The following PLCG2 variants were observed in gnomAD, a reference collection of about 807,000 sequenced individuals.
The protein encoded by PLCG2 is phospholipase C gamma 2, also known as 1-phosphatidylinositol 4,5-bisphosphate phosphodiesterase gamma-2.
A neutral mutation model predicts 175.6 loss-of-function variants in PLCG2; 69 were observed. The ratio of observed to expected loss-of-function variants is 0.39; its 90% CI spans 0.32 to 0.48. The LOEUF (loss-of-function observed/expected upper bound fraction) is 0.48, where lower values mean the gene tolerates loss of function less well. PLCG2 is among the 20% of genes least tolerant of loss of function. The pLI is 0.91. For missense variants in PLCG2, 1,798 were observed against 1,650.9 expected, an observed-to-expected ratio of 1.09 and a Z score of -1.54; for synonymous variants, 827 against 624.0, an observed-to-expected ratio of 1.33 and a Z score of -4.85.
At chr16:81,918,837 T>C (rs1436490445) in intron 19 of PLCG2, among the ~76,000 whole-genome samples, 1 of 152,190 alleles carries the variant, frequency 6.6e-6, no homozygotes, top group South Asian at 2.1e-4. Flanking sequence ...AAGGAGGCTC[T>C]TCTGTTTTGG....
At chr16:81,910,401 G>A (rs1909567199) in intron 17 of PLCG2, 119 bp from the exon 18 acceptor site, 2 of 880,446 alleles carry the variant, frequency 2.3e-6, no homozygotes, top group East Asian at 2.6e-5. Flanking sequence ...TCCTGTGTCT[G>A]TTCTAGGAGC....
chr16:81,811,243 A>G (rs905651834), intron 2 of PLCG2, among the ~76,000 whole-genome samples: 1 of 152,180 alleles, frequency 6.6e-6, no homozygotes, highest in Non-Finnish European at 1.5e-5. Flanking sequence ...AAATGGGCAC[A>G]CCGGTGGTAC....
At chr16:81,809,357 C>T (rs1904298624) in intron 2 of PLCG2, among the ~76,000 whole-genome samples, 1 of 152,174 alleles carries the variant, frequency 6.6e-6, no homozygotes, top group South Asian at 2.1e-4. Context: ...CCAGCTCCCT[C>T]ACCCTCAGTC....
chr16:81,945,465 G>A (rs537366945), intron 30 of PLCG2, among the ~76,000 whole-genome samples: 2 of 152,250 alleles, frequency 1.3e-5, no homozygotes, highest in Non-Finnish European at 2.9e-5. Context: ...TTTTAGGACA[G>A]AGAGGAGGAT....
At chr16:81,913,032 C>G (rs1909698020) in intron 19 of PLCG2, among the ~76,000 whole-genome samples, 1 of 152,222 alleles carries the variant, frequency 6.6e-6, no homozygotes, top group African/African-American at 2.4e-5. Context: ...AAGTAACTTG[C>G]TGAAGCATGC....
chr16:81,836,220 G>C (rs1905508029), intron 2 of PLCG2, among the ~76,000 whole-genome samples: 1 of 152,154 alleles, frequency 6.6e-6, no homozygotes, highest in Non-Finnish European at 1.5e-5. Context: ...GCATTTCTCA[G>C]AGGGGGAAAC....
intron 2 of PLCG2, among the ~76,000 whole-genome samples, chr16:81,821,562 C>A (rs1189465033): frequency 6.6e-6 from 1 of 152,104 alleles, no homozygotes; most frequent in Non-Finnish European, 1.5e-5. Context: ...CTGGGGGCTC[C>A]TGGCTGCTCA....
At chr16:81,762,156 C>G (rs1164483641) in intron 2 of PLCG2, among the ~76,000 whole-genome samples, 3 of 152,022 alleles carry the variant, frequency 2.0e-5, no homozygotes, top group Admixed American at 2.0e-4. Flanking sequence ...ACTCTGTTTG[C>G]TTTGTCACAT....
chr16:81,935,992 G>T, intron 26 of PLCG2, 177 bp from the exon 27 acceptor site: 1 of 985,290 alleles, frequency 1.0e-6, no homozygotes, highest in Non-Finnish European at 1.2e-6. Flanking sequence ...GGAACCCCCA[G>T]AGGGCAAGAG....
chr16:81,805,296 G>C (rs1911945689), intron 2 of PLCG2, among the ~76,000 whole-genome samples: 1 of 151,982 alleles, frequency 6.6e-6, no homozygotes, highest in Non-Finnish European at 1.5e-5. Context: ...TCAGGAGATC[G>C]AGACCATCCT....
chr16:81,810,245 C>T (rs1005664698), intron 2 of PLCG2, among the ~76,000 whole-genome samples: 3 of 152,192 alleles, frequency 2.0e-5, no homozygotes, highest in South Asian at 2.1e-4. Flanking sequence ...CTCAGCCTTC[C>T]GAAGTGCTGG....
At chr16:81,829,553 C>G (rs140643132) in intron 2 of PLCG2, among the ~76,000 whole-genome samples, 1,876 of 152,322 alleles carry the variant, frequency 0.012, 57 homozygotes, top group African/African-American at 0.042. Flanking sequence ...ATACCTTTGC[C>G]AAAAGTGAGA....
chr16:81,756,720 TAAG>T (rs1909936764), intron 2 of PLCG2, among the ~76,000 whole-genome samples: 1 of 152,210 alleles, frequency 6.6e-6, no homozygotes, highest in Non-Finnish European at 1.5e-5. Flanking sequence ...GTTTTACAGA[TAAG>T]GAGCTGAGAG....
chr16:81,931,071 ATTT>A (rs925049696), intron 24 of PLCG2, among the ~76,000 whole-genome samples: 2 of 151,894 alleles, frequency 1.3e-5, no homozygotes. Flanking sequence ...ACAAGAGGGT[ATTT>A]TTTTCAGGTT....
In PLCG2 at chr16:81,950,731, TA is replaced by T. The variant is rs1911333524; in HGVS notation, c.3570+4470del. Among the ~76,000 whole-genome samples the T allele has an allele frequency of 3.3e-5, 5 of 152,302 alleles. No individual in the cohort carries two copies. The South Asian group carries it at 1.0e-3, about 32-fold the overall frequency. ...AAAATTGCTCACAATTTGAAGATAA[TA>T]ATTTTCTAAATATACTAAAACAAGT... On this transcript the variant is annotated intron_variant, in intron 31 of 32. Coordinates refer to ENST00000564138, the MANE Select transcript of PLCG2 (RefSeq NM_002661.5).
Position 81,907,684 on chromosome 16 carries a change from G to T in PLCG2, c.1468-1G>T. The T allele has an allele frequency of 6.2e-7, 1 of 1,612,500 alleles. No individual in the cohort carries two copies. The highest frequency in any genetic ancestry group is 8.5e-7 in the Non-Finnish European group (1 of 1,178,534). On this transcript the variant is annotated splice_acceptor_variant, in intron 15 of 32. Coordinates refer to ENST00000564138, the MANE Select transcript of PLCG2 (RefSeq NM_002661.5). LOFTEE classifies it high-confidence loss of function. ...GCACTAATACCAGTTTCACTTTCTA[G>T]AAATGGACTCGGCACTACTGCGCCA...
chr16:81,795,938 G>A (rs1049621002), intron 2 of PLCG2, among the ~76,000 whole-genome samples: 6 of 152,204 alleles, frequency 3.9e-5, no homozygotes, highest in South Asian at 4.1e-4. Context: ...TGCCCTAGCC[G>A]CATGCTAGAA....
intron 1 of PLCG2, among the ~76,000 whole-genome samples, chr16:81,741,867 G>A (rs1909602391): frequency 6.6e-6 from 1 of 152,148 alleles, no homozygotes; most frequent in African/African-American, 2.4e-5. Flanking sequence ...TCAAACGTTT[G>A]TCATTTCTTT....
intron 2 of PLCG2, among the ~76,000 whole-genome samples, chr16:81,816,261 C>A (rs577158273): frequency 1.3e-5 from 2 of 152,026 alleles, no homozygotes; most frequent in South Asian, 4.2e-4. Context: ...ATCCCAGCTA[C>A]TTGGGAGGCA....
Sources: gnomAD v4.1 joint callset for allele counts (sites outside exome capture counted in the v4.1 genomes callset) on GRCh38, gnomAD v4.1.1 for gene constraint, MANE v1.5 for transcripts, NCBI Gene and HGNC (gene_info 2026-07-23, HGNC 2026-07-21) for gene names.